The following GBP7 variants were observed in gnomAD, a reference collection of about 807,000 sequenced individuals.
GBP7 encodes the protein guanylate-binding protein 7.
In GBP7, 43 loss-of-function variants were observed where a neutral mutation model predicts 61.3. The observed-to-expected ratio is 0.70, with a 90% CI of 0.55 to 0.91. GBP7 has a LOEUF of 0.91. Ranked by LOEUF, GBP7 falls within the 40% of genes least tolerant of loss-of-function variation. The probability of loss-of-function intolerance (pLI) is 0.00; values close to 1 mark genes in which losing one functional copy is unlikely to be tolerated. For synonymous variants in GBP7, 267 were observed against 271.0 expected, an observed-to-expected ratio of 0.99 and a Z score of 0.14; for missense variants, 717 against 740.5, an observed-to-expected ratio of 0.97 and a Z score of 0.37.
chr1:89,141,492 A>G (rs1038844506), intron 9 of GBP7, 54 bp downstream of exon 9: 4 of 1,467,106 alleles, frequency 2.7e-6, no homozygotes, highest in South Asian at 1.2e-5. Flanking sequence ...GAACATCAAG[A>G]GAGTGTTGCA....
rs1287038839 is a variant in GBP7, at chr1:89,150,361, G to T, written c.840C>A (p.Thr280=). Residue 280 remains threonine, a synonymous_variant, in exon 6 of 11, where the codon ACC becomes ACA. Coordinates refer to ENST00000294671, the MANE Select transcript of GBP7 (RefSeq NM_207398.3). ...SYIFTHAKTK[T]LREGILVTGN... ...CAGTGACAAGGATTCCCTCTCTCAG[G>T]GTCTTGGTCTTTGCATGGGTGAAGA... 2 of 1,613,664 alleles carry T rather than the reference G, an allele frequency of 1.2e-6. No individual in the cohort carries two copies. Among genetic ancestry groups the T allele is most frequent in the East Asian group, 4.5e-5 (2 of 44,866 alleles).
intron 8 of GBP7, among the ~76,000 whole-genome samples, chr1:89,142,997 T>TA (rs1681988102): frequency 6.6e-6 from 1 of 152,234 alleles, no homozygotes; most frequent in Non-Finnish European, 1.5e-5. Flanking sequence ...TTGTGAATGA[T>TA]ACTGTTGTGA....
Position 89,132,164 on chromosome 1 carries a change from C to T in GBP7, c.1902G>A (p.Lys634=), listed in dbSNP as rs754609152. Residue 634 remains lysine (K), a synonymous_variant, in exon 11 of 11, where the codon AAG becomes AAA. Transcript: ENST00000294671. The part of the protein sequence containing the change: ...SLCNRLRNPG[K]KIIS ...AAAAGAAACCTCAGCTTATAATTTT[C>T]TTACCAGGATTTCTCAGCCTATTAC... The T allele has an allele frequency of 3.7e-6, 6 of 1,604,826 alleles. No individual in the cohort carries two copies. The South Asian group carries it at 6.7e-5, about 18-fold the overall frequency.
At chr1:89,155,600 G>A (rs1682300350) in intron 3 of GBP7, among the ~76,000 whole-genome samples, 2 of 152,032 alleles carry the variant, frequency 1.3e-5, no homozygotes, top group South Asian at 4.2e-4. Context: ...TGGAAGAAAG[G>A]GTAACAGTGA....
Position 89,173,283 on chromosome 1 carries a change from T to C in GBP7, c.-19-1329A>G, listed in dbSNP as rs10922587. Among the ~76,000 whole-genome samples the C allele has an allele frequency of 2.0e-3, 305 of 152,324 alleles. 3 individuals carry two copies. Among genetic ancestry groups the C allele is most frequent in the African/African-American group, 7.2e-3 (299 of 41,580 alleles). On this transcript the variant is annotated intron_variant, in intron 1 of 10. Transcript: ENST00000294671. ...CACTCAGGGGCAAAGTTAAGAAATA[T>C]ATGTATGTATACTAGGACACATCTA...
chr1:89,169,770 T>G (rs191719780), intron 2 of GBP7, among the ~76,000 whole-genome samples: 6 of 152,332 alleles, frequency 3.9e-5, no homozygotes, highest in Non-Finnish European at 8.8e-5. Flanking sequence ...AGACATTTAG[T>G]GTGTAAACCA....
chr1:89,136,253 A>G (rs1176978071), intron 9 of GBP7, among the ~76,000 whole-genome samples: 1 of 152,200 alleles, frequency 6.6e-6, no homozygotes, highest in Non-Finnish European at 1.5e-5. Context: ...TAGACAGATC[A>G]TTGAGGCAAA....
intron 2 of GBP7, among the ~76,000 whole-genome samples, chr1:89,171,379 AC>A (rs1273937996): frequency 6.6e-6 from 1 of 152,188 alleles, no homozygotes; most frequent in Non-Finnish European, 1.5e-5. Context: ...ACCAATAGTG[AC>A]CTTAATTACA....
At chr1:89,161,850 T>C (rs1224872977) in intron 3 of GBP7, among the ~76,000 whole-genome samples, 1 of 152,194 alleles carries the variant, frequency 6.6e-6, no homozygotes, top group Non-Finnish European at 1.5e-5. Context: ...TGCCCATGCC[T>C]ATGTCCTGAA....
intron 2 of GBP7, among the ~76,000 whole-genome samples, chr1:89,169,243 T>G (rs535870873): frequency 6.6e-6 from 1 of 152,222 alleles, no homozygotes; most frequent in Non-Finnish European, 1.5e-5. Context: ...CCTTTGCTTG[T>G]GTATGTATTT....
intron 10 of GBP7, 48 bp downstream of exon 10, chr1:89,133,210 G>A (rs549426909): frequency 6.9e-7 from 1 of 1,459,246 alleles, no homozygotes; most frequent in African/African-American, 1.4e-5. Context: ...CCCTAAATGA[G>A]GAACTGGCAT....
chr1:89,135,410 G>T (rs1257620111), intron 9 of GBP7, among the ~76,000 whole-genome samples: 1 of 152,020 alleles, frequency 6.6e-6, no homozygotes, highest in Non-Finnish European at 1.5e-5. Flanking sequence ...GATTTTCCAA[G>T]GTCAGTGCAA....
intron 3 of GBP7, 145 bp downstream of exon 3, chr1:89,164,586 A>G: frequency 1.3e-6 from 1 of 763,894 alleles, no homozygotes; most frequent in Non-Finnish European, 2.1e-6. Flanking sequence ...CAAGAAAGTA[A>G]GTTCCAGAAA....
chr1:89,153,520 A>C (rs1047083050), intron 3 of GBP7, among the ~76,000 whole-genome samples: 1 of 152,228 alleles, frequency 6.6e-6, no homozygotes, highest in Non-Finnish European at 1.5e-5. Flanking sequence ...AATCATGCCT[A>C]TATTAGGAAT....
intron 9 of GBP7, among the ~76,000 whole-genome samples, chr1:89,137,689 A>G (rs1349917009): frequency 1.3e-5 from 2 of 152,160 alleles, no homozygotes; most frequent in Non-Finnish European, 2.9e-5. Context: ...CCCACAGCCA[A>G]CATCATACTG....
At chr1:89,166,947 A>G (rs1315745900) in intron 2 of GBP7, among the ~76,000 whole-genome samples, 1 of 152,198 alleles carries the variant, frequency 6.6e-6, no homozygotes, top group Non-Finnish European at 1.5e-5. Context: ...AACACCCTGC[A>G]TGTACTTCTC....
intron 9 of GBP7, among the ~76,000 whole-genome samples, chr1:89,140,592 T>A (rs1193080110): frequency 2.0e-5 from 3 of 152,190 alleles, no homozygotes; most frequent in Admixed American, 6.5e-5. Context: ...TCTTAAACAC[T>A]GCTGGTGGGC....
At chr1:89,162,410 G>A (rs1362769033) in intron 3 of GBP7, among the ~76,000 whole-genome samples, 1 of 152,172 alleles carries the variant, frequency 6.6e-6, no homozygotes, top group African/African-American at 2.4e-5. Flanking sequence ...TCTCCATGAG[G>A]AAGGAATGTT....
chr1:89,143,971 T>C (rs1440232266), intron 8 of GBP7, among the ~76,000 whole-genome samples: 2 of 152,146 alleles, frequency 1.3e-5, no homozygotes, highest in Non-Finnish European at 2.9e-5. Flanking sequence ...GTCAAAACAG[T>C]CACCCAGATA....
Sources: allele counts gnomAD v4.1 joint callset (sites outside exome capture counted in the v4.1 genomes callset), GRCh38; gene constraint gnomAD v4.1.1; transcripts MANE v1.5; gene names NCBI Gene and HGNC (gene_info 2026-07-23, HGNC 2026-07-21).